KDM4C: variants seen among roughly 807,000 people sequenced by gnomAD.
KDM4C encodes the protein lysine demethylase 4C, also known as lysine-specific demethylase 4C.
KDM4C carries 81 observed loss-of-function variants against 129.3 expected under a neutral mutation model. The observed-to-expected ratio is 0.63, with a 90% CI of 0.52 to 0.75. The LOEUF is 0.75. KDM4C is among the 30% of genes least tolerant of loss of function. KDM4C has a pLI of 0.00. For synonymous variants in KDM4C, 573 were observed against 456.1 expected, an observed-to-expected ratio of 1.26 and a Z score of -3.26; for missense variants, 1,457 against 1,304.0, an observed-to-expected ratio of 1.12 and a Z score of -1.81.
chr9:7,121,341 A>G (rs1839464712), intron 18 of KDM4C, among the ~76,000 whole-genome samples: 1 of 152,172 alleles, frequency 6.6e-6, no homozygotes, highest in Admixed American at 6.6e-5. Context: ...CAACAGGGTA[A>G]CTTGGGCTTG....
chr9:7,083,970 G>T (rs977741943), intron 17 of KDM4C, among the ~76,000 whole-genome samples: 3 of 152,168 alleles, frequency 2.0e-5, no homozygotes, highest in Non-Finnish European at 2.9e-5. Flanking sequence ...ATTATAGTGT[G>T]CAGGGCAGAG....
At chr9:6,818,474 G>A (rs1370572119) in intron 4 of KDM4C, among the ~76,000 whole-genome samples, 2 of 152,248 alleles carry the variant, frequency 1.3e-5, no homozygotes, top group African/African-American at 2.4e-5. Context: ...AGGGCTCAGA[G>A]AGAGGCCAAG....
intron 12 of KDM4C, among the ~76,000 whole-genome samples, chr9:7,001,562 T>C (rs1820723811): frequency 6.6e-6 from 1 of 152,244 alleles, no homozygotes; most frequent in Admixed American, 6.5e-5. Flanking sequence ...TATGCTCCCC[T>C]GAATAGTCCA....
intron 17 of KDM4C, among the ~76,000 whole-genome samples, chr9:7,069,174 C>A (rs964289258): frequency 1.3e-5 from 2 of 152,108 alleles, no homozygotes; most frequent in African/African-American, 2.4e-5. Flanking sequence ...AATATTCCTT[C>A]TTATTGTTAT....
intron 17 of KDM4C, among the ~76,000 whole-genome samples, chr9:7,081,844 C>T (rs1188880578): frequency 6.6e-6 from 1 of 152,124 alleles, no homozygotes; most frequent in African/African-American, 2.4e-5. Flanking sequence ...TACGGAAAGG[C>T]ATGTATTACC....
At chr9:6,732,321 T>A (rs1276372592) in intron 1 of KDM4C, among the ~76,000 whole-genome samples, 1 of 121,410 alleles carries the variant, frequency 8.2e-6, no homozygotes, top group African/African-American at 3.2e-5. Context: ...GCTGAGATCA[T>A]GCCACTGCAC....
At chr9:6,969,875 A>T (rs1268286822) in intron 8 of KDM4C, among the ~76,000 whole-genome samples, 1 of 151,358 alleles carries the variant, frequency 6.6e-6, no homozygotes, top group Non-Finnish European at 1.5e-5. Context: ...ATTTCTTGTC[A>T]TACTTTCTGC....
chr9:7,128,471 C>T (rs1042933219), intron 19 of KDM4C, among the ~76,000 whole-genome samples: 5 of 152,172 alleles, frequency 3.3e-5, no homozygotes, highest in African/African-American at 1.2e-4. Context: ...GACCTAATCA[C>T]CTCTTAAAGG....
rs377368533 is a variant in KDM4C, at chr9:6,908,777, G to T, written c.921+15545G>T. ...CTGCCTGGGTTTGAATCCTAGCATT[G>T]TCATTTACAGGTAATATCATCTTGG... On this transcript the variant is annotated intron_variant, in intron 8 of 21. Transcript: ENST00000381309. 5.3e-5 allele frequency among the ~76,000 whole-genome samples: 8 copies of T among 152,128 alleles called. No individual in the cohort carries two copies. The East Asian group carries it at 1.5e-3, about 29-fold the overall frequency.
intron 18 of KDM4C, 35 bp downstream of exon 18, chr9:7,103,905 C>T (rs766491943): frequency 1.7e-5 from 27 of 1,585,722 alleles, no homozygotes; most frequent in Middle Eastern, 1.7e-4. Context: ...GTGCTAAGAC[C>T]GTGTCTGGAT....
intron 8 of KDM4C, among the ~76,000 whole-genome samples, chr9:6,935,096 TTAG>T (rs1824520381): frequency 6.6e-6 from 1 of 152,142 alleles, no homozygotes; most frequent in Non-Finnish European, 1.5e-5. Context: ...AACTACTGAC[TTAG>T]AAGAATGAGT....
intron 17 of KDM4C, among the ~76,000 whole-genome samples, chr9:7,056,701 C>G (rs951159748): frequency 6.6e-6 from 1 of 152,292 alleles, no homozygotes; most frequent in East Asian, 1.9e-4. Context: ...ATTTTAAAAA[C>G]ATTATTAGAC....
chr9:6,865,970 G>C (rs778784556), intron 5 of KDM4C, among the ~76,000 whole-genome samples: 3 of 152,022 alleles, frequency 2.0e-5, no homozygotes, highest in Non-Finnish European at 4.4e-5. Flanking sequence ...AGCCAGGATG[G>C]TCTCGATCTC....
At chr9:6,816,496 C>T (rs1832115005) in intron 4 of KDM4C, among the ~76,000 whole-genome samples, 1 of 152,176 alleles carries the variant, frequency 6.6e-6, no homozygotes, top group South Asian at 2.1e-4. Context: ...TGGCCTGTTT[C>T]TGAATTTTAT....
chr9:6,795,301 C>T (rs1216460992), intron 2 of KDM4C, among the ~76,000 whole-genome samples: 1 of 152,058 alleles, frequency 6.6e-6, no homozygotes, highest in East Asian at 1.9e-4. Context: ...ACCCTGAGGC[C>T]TGTAATTAGG....
At chr9:7,165,397 A>C (rs758538424) in intron 20 of KDM4C, 40 bp downstream of exon 20, 5 of 1,603,354 alleles carry the variant, frequency 3.1e-6, no homozygotes, top group South Asian at 1.1e-5. Flanking sequence ...TAAGATTGAC[A>C]TGATAAGTCA....
chr9:6,878,853 T>A (rs2130757962), intron 5 of KDM4C, among the ~76,000 whole-genome samples: 1 of 152,164 alleles, frequency 6.6e-6, no homozygotes, highest in South Asian at 2.1e-4. Context: ...GGTATATTTG[T>A]GATGTAAGCC....
chr9:6,986,514 A>C lies in KDM4C; in HGVS notation c.1525A>C (p.Lys509Gln), dbSNP rs766012615. 1 of 1,614,050 alleles carries C rather than the reference A, an allele frequency of 6.2e-7. No individual in the cohort carries two copies. Among genetic ancestry groups the C allele is most frequent in the Non-Finnish European group, 8.5e-7 (1 of 1,180,034 alleles). Reference protein sequence around the residue: ...KSDPSELSWPKSPESCSSVAE... With the variant: ...KSDPSELSWPQSPESCSSVAE... ...AGACCCATCCGAGCTTTCATGGCCA[A>C]AGTCACCTGAGTCATGCTCATCAGT... The change falls in exon 11 of 22, where the codon AAG (lysine) becomes CAG (glutamine). Residue 509 changes from lysine to glutamine, a missense_variant. Physicochemically the swap from Lys to Gln is moderately conservative, Grantham distance 53. Transcript: ENST00000381309.
rs1241496315 is a variant in KDM4C at position 6,867,007 on chromosome 9, A to G, written c.630-13005A>G. 4.6e-3 allele frequency among the ~76,000 whole-genome samples: 446 copies of G among 97,126 alleles called. 1 individual carries two copies. Among genetic ancestry groups the G allele is most frequent in the African/African-American group, 0.021 (421 of 19,660 alleles). 63.7% of individuals were successfully genotyped at this position (97,126 alleles called of 152,430 possible). On this transcript the variant is annotated intron_variant, in intron 5 of 21. Transcript: ENST00000381309. ...TGTGTGTGTGTGTGTGTGTATATAT[A>G]TATATATATATTTTTTTTTTTTTTT... is the stretch of plus-strand genomic sequence containing the variant.
Sources: gnomAD v4.1 joint callset for allele counts (sites outside exome capture counted in the v4.1 genomes callset) on GRCh38, gnomAD v4.1.1 for gene constraint, MANE v1.5 for transcripts, NCBI Gene and HGNC (gene_info 2026-07-23, HGNC 2026-07-21) for gene names.